WDR7: variants seen among roughly 807,000 people sequenced by gnomAD.
The protein encoded by WDR7 is WD repeat-containing protein 7.
A neutral mutation model predicts 169.4 loss-of-function variants in WDR7; 46 were observed. The observed-to-expected ratio is 0.27, with a 90% confidence interval of 0.21 to 0.35. WDR7 has a LOEUF of 0.35. WDR7 is among the 10% of genes least tolerant of loss of function. The pLI is 1.00. For synonymous variants in WDR7, 612 were observed against 666.8 expected, an observed-to-expected ratio of 0.92 and a Z score of 1.27; for missense variants, 1,534 against 1,859.3, an observed-to-expected ratio of 0.83 and a Z score of 3.22.
chr18:56,871,356 AT>A (rs2145443939), intron 20 of WDR7, among the ~76,000 whole-genome samples: 1 of 152,238 alleles, frequency 6.6e-6, no homozygotes, highest in East Asian at 1.9e-4. Context: ...CTTAATCCAA[AT>A]TATTTTAGTC....
In WDR7 at chr18:56,757,371, G is replaced by C; in HGVS notation, c.2759+19G>C. On this transcript the variant is annotated intron_variant, in intron 15 of 27. Coordinates refer to ENST00000254442, the MANE Select transcript of WDR7 (RefSeq NM_015285.3). ...CTACCAGGTGTGACCATGATAGTTT[G>C]ATTTTATTCTTAAGTTTCAAAAAAA... 2 of 1,516,540 alleles carry C rather than the reference G, an allele frequency of 1.3e-6. No homozygotes were observed. Among genetic ancestry groups the C allele is most frequent in the Non-Finnish European group, 1.8e-6 (2 of 1,131,740 alleles). 93.9% of individuals were successfully genotyped at this position (1,516,540 alleles called of 1,614,324 possible).
chr18:56,834,023 G>T (rs2045357412), intron 20 of WDR7, among the ~76,000 whole-genome samples: 3 of 152,106 alleles, frequency 2.0e-5, no homozygotes, highest in South Asian at 4.2e-4. Context: ...GAGGCTTTTG[G>T]TCCTCTTCCA....
chr18:56,820,994 A>G (rs983666780), intron 20 of WDR7, among the ~76,000 whole-genome samples: 1 of 152,238 alleles, frequency 6.6e-6, no homozygotes, highest in Non-Finnish European at 1.5e-5. Flanking sequence ...ATGAAAAGTA[A>G]TATTATATAG....
intron 12 of WDR7, among the ~76,000 whole-genome samples, chr18:56,706,561 C>G (rs1598977507): frequency 6.6e-6 from 1 of 152,266 alleles, no homozygotes; most frequent in Middle Eastern, 3.4e-3. Flanking sequence ...ATTGAATCAT[C>G]ATTATTGTTG....
At position 56,863,259 on chromosome 18, in the gene WDR7, TAATA is replaced by T. The variant is rs1215401548; in HGVS notation, c.3305-16681_3305-16678del. ...ATAAGGCTAAATTTAATTGTAGGGA[TAATA>T]AATCAATTTTGTTTTAAATTAAATA... On this transcript the variant is annotated intron_variant, in intron 20 of 27. Coordinates refer to ENST00000254442, the MANE Select transcript of WDR7 (RefSeq NM_015285.3). 5.3e-5 allele frequency among the ~76,000 whole-genome samples: 8 copies of T among 151,958 alleles called. No homozygotes were observed. The South Asian group carries it at 1.5e-3, about 28-fold the overall frequency.
At chr18:56,925,744 G>A (rs1042876281) in intron 22 of WDR7, among the ~76,000 whole-genome samples, 3 of 152,146 alleles carry the variant, frequency 2.0e-5, no homozygotes, top group Non-Finnish European at 4.4e-5. Context: ...GGCATTGCCA[G>A]CGTAAAGTCC....
chr18:56,856,613 T>C (rs1459076786), intron 20 of WDR7, among the ~76,000 whole-genome samples: 1 of 151,878 alleles, frequency 6.6e-6, no homozygotes, highest in Admixed American at 6.6e-5. Flanking sequence ...ATGATCAACA[T>C]TTTATTTAAG....
intron 26 of WDR7, among the ~76,000 whole-genome samples, chr18:56,980,258 G>A (rs987008471): frequency 2.0e-5 from 3 of 152,106 alleles, no homozygotes; most frequent in Non-Finnish European, 4.4e-5. Flanking sequence ...TAATACAAAG[G>A]GGCTTCTTAG....
chr18:56,682,660 C>T lies in WDR7; in HGVS notation c.346-19C>T, dbSNP rs1427639292. 1.3e-6 allele frequency: 2 copies of T among 1,595,800 alleles called. No individual in the cohort carries two copies. The highest frequency in any genetic ancestry group is 1.1e-5 in the South Asian group (1 of 88,696). On this transcript the variant is annotated intron_variant, in intron 4 of 27. Coordinates refer to ENST00000254442, the MANE Select transcript of WDR7 (RefSeq NM_015285.3). ...AGGAGAACACTCAGAAATCTTTTTT[C>T]CTTTTGGCATGAATGTAGTTCTACC...
At chr18:56,926,690 T>C (rs1392351491) in intron 22 of WDR7, among the ~76,000 whole-genome samples, 2 of 152,230 alleles carry the variant, frequency 1.3e-5, no homozygotes, top group East Asian at 3.8e-4. Context: ...AGTGTGACTT[T>C]CTGTACACAG....
intron 12 of WDR7, among the ~76,000 whole-genome samples, chr18:56,705,855 G>A (rs1598976779): frequency 6.6e-6 from 1 of 152,288 alleles, no homozygotes; most frequent in East Asian, 1.9e-4. Context: ...AAAATTAGCT[G>A]GGTGTGGTGG....
At chr18:56,884,616 T>TC (rs896069980) in intron 21 of WDR7, among the ~76,000 whole-genome samples, 11 of 152,080 alleles carry the variant, frequency 7.2e-5, no homozygotes, top group African/African-American at 2.7e-4. Context: ...CACACTCCCA[T>TC]CCCCCACCAC....
At chr18:57,016,310 T>C (rs149616033) in intron 26 of WDR7, among the ~76,000 whole-genome samples, 1 of 152,184 alleles carries the variant, frequency 6.6e-6, no homozygotes, top group Non-Finnish European at 1.5e-5. Context: ...AATACATGGG[T>C]CAGTACTTTA....
At chr18:56,690,025 C>A (rs779800393) in intron 7 of WDR7, among the ~76,000 whole-genome samples, 1 of 151,918 alleles carries the variant, frequency 6.6e-6, no homozygotes, top group Non-Finnish European at 1.5e-5. Flanking sequence ...TAAAATAAAA[C>A]CTCTGATCTA....
At chr18:56,654,475 T>A (rs989291805) in intron 1 of WDR7, among the ~76,000 whole-genome samples, 1 of 152,232 alleles carries the variant, frequency 6.6e-6, no homozygotes, top group Non-Finnish European at 1.5e-5. Flanking sequence ...TTTAATTTTT[T>A]GTTTGTGAAA....
intron 12 of WDR7, among the ~76,000 whole-genome samples, chr18:56,705,299 C>CTT (rs77316990): frequency 2.8e-4 from 40 of 145,424 alleles, no homozygotes; most frequent in African/African-American, 9.5e-4. Flanking sequence ...GATAAGATAT[C>CTT]TTTTTTTTTT....
intron 21 of WDR7, among the ~76,000 whole-genome samples, chr18:56,884,912 G>T (rs569994134): frequency 3.2e-4 from 49 of 152,330 alleles, no homozygotes; most frequent in Admixed American, 7.2e-4. Context: ...ACCTCCACTG[G>T]AGTGGGTGCT....
chr18:56,936,025 A>G, intron 23 of WDR7, 120 bp downstream of exon 23: 1 of 921,422 alleles, frequency 1.1e-6, no homozygotes, highest in Non-Finnish European at 1.6e-6. Context: ...ATGCAAGTTA[A>G]TAATTTAGTA....
intron 13 of WDR7, among the ~76,000 whole-genome samples, chr18:56,721,125 GGAGATACT>G (rs2026311608): frequency 1.3e-5 from 2 of 152,026 alleles, no homozygotes; most frequent in African/African-American, 4.8e-5. Context: ...TAAACTCTGA[GGAGATACT>G]TGATCTCTCT....
Sources: allele counts gnomAD v4.1 joint callset (sites outside exome capture counted in the v4.1 genomes callset), GRCh38; gene constraint gnomAD v4.1.1; transcripts MANE v1.5; gene names NCBI Gene and HGNC (gene_info 2026-07-23, HGNC 2026-07-21).